Variants in APMAP observed in about 807,000 individuals in gnomAD.
APMAP encodes adipocyte plasma membrane-associated protein.
Under a neutral mutation model 43.6 loss-of-function variants are expected in APMAP, and 33 were observed. The ratio of observed to expected loss-of-function variants is 0.76; its 90% CI spans 0.57 to 1.01. The LOEUF (loss-of-function observed/expected upper bound fraction) is 1.01. Among genes scored for constraint, APMAP ranks in the 50% least tolerant of loss-of-function variants. The pLI, the probability that APMAP is intolerant of heterozygous loss-of-function variation, is 0.00. For missense variants in APMAP, 498 were observed against 540.7 expected (o/e 0.92, Z 0.78); for synonymous variants, 224 against 216.7 (o/e 1.03, Z -0.30).
chr20:24,983,220 C>A (rs1398736049), intron 2 of APMAP, among the ~76,000 whole-genome samples: 1 of 152,176 alleles, frequency 6.6e-6, no homozygotes, highest in Non-Finnish European at 1.5e-5. Context: ...TAATTCTTGT[C>A]TGAAGTTTTT....
Position 24,978,746 on chromosome 20 carries a change from C to A in APMAP, c.328+21G>T, listed in dbSNP as rs11087491. On this transcript the variant is annotated intron_variant, in intron 3 of 8. Coordinates refer to ENST00000217456, the MANE Select transcript of APMAP (RefSeq NM_020531.3). ...AACAGACAGCCTGGAAGGCTCCCCCCCCACCCAAGCTTAGACTTACCCCCA... is the reference window on the plus strand; with the variant it reads ...AACAGACAGCCTGGAAGGCTCCCCCACCACCCAAGCTTAGACTTACCCCCA... 1.9e-4 allele frequency: 242 copies of A among 1,256,000 alleles called. 10 individuals carry two copies. The Middle Eastern group carries it at 2.0e-3, about 10-fold the overall frequency. 77.8% of individuals were successfully genotyped at this position (1,256,000 alleles called of 1,614,324 possible).
At chr20:24,965,564 G>C (rs935653636) in intron 8 of APMAP, among the ~76,000 whole-genome samples, 1 of 152,136 alleles carries the variant, frequency 6.6e-6, no homozygotes, top group Non-Finnish European at 1.5e-5. Context: ...GGGCCCACAC[G>C]GGGTGAGGAG....
chr20:24,974,474 C>T lies in APMAP; in HGVS notation c.329-737G>A, dbSNP rs7352188. 1.2e-4 allele frequency among the ~76,000 whole-genome samples: 19 copies of T among 152,158 alleles called. No individual in the cohort carries two copies. In the East Asian group the frequency reaches 1.3e-3, roughly 11 times the overall value. Reference sequence around the variant, plus strand: ...AAAGAATAGAAAACAGTAACAAATACGGTAGATATTAATCCAATATATCAA... The same window carrying T: ...AAAGAATAGAAAACAGTAACAAATATGGTAGATATTAATCCAATATATCAA... On this transcript the variant is annotated intron_variant, in intron 3 of 8. Coordinates refer to ENST00000217456, the MANE Select transcript of APMAP (RefSeq NM_020531.3).
intron 5 of APMAP, 119 bp from the exon 6 acceptor site, chr20:24,970,490 T>C (rs2087989580): frequency 3.2e-6 from 3 of 937,126 alleles, no homozygotes; most frequent in Non-Finnish European, 4.6e-6. Flanking sequence ...ATGTCATTTG[T>C]CAGAAGATTT....
chr20:24,972,610 G>C (rs2088015282), intron 4 of APMAP, among the ~76,000 whole-genome samples: 1 of 151,818 alleles, frequency 6.6e-6, no homozygotes, highest in Non-Finnish European at 1.5e-5. Flanking sequence ...TTCACTGTGG[G>C]GTGCTCACTA....
At position 24,969,652 on chromosome 20, in the gene APMAP, T is replaced by C. The variant is rs1459346715; in HGVS notation, c.722A>G (p.Glu241Gly). The change falls in exon 7 of 9, where the codon GAG becomes GGG. Residue 241 changes from glutamate (E) to glycine (G), a missense_variant. Physicochemically the swap from Glu to Gly is moderately conservative, Grantham distance 98. Coordinates refer to ENST00000217456, the MANE Select transcript of APMAP (RefSeq NM_020531.3). Reference sequence around the variant, plus strand: ...TACTTCCCTGGTCACAGTATCATACTCCAGCAGGCTGTGGAACACCAAAAG... The same window carrying C: ...TACTTCCCTGGTCACAGTATCATACCCCAGCAGGCTGTGGAACACCAAAAG... ...MEGTDDGRLL[E>G]YDTVTREVKV... 5 of 1,611,592 alleles carry C rather than the reference T, an allele frequency of 3.1e-6. No homozygotes were observed. The highest frequency in any genetic ancestry group is 4.2e-6 in the Non-Finnish European group (5 of 1,178,058).
At position 24,992,638 on chromosome 20, in the gene APMAP, G is replaced by A. The variant is rs1308076976; in HGVS notation, c.51C>T (p.Val17=). Residue 17 remains valine (V), a synonymous_variant, in exon 1 of 9, where the codon GTC becomes GTT. Coordinates refer to ENST00000217456, the MANE Select transcript of APMAP (RefSeq NM_020531.3). ...LRQRRPLRPQ[V]VTDDDGQAPE... ...GGGCCTGGCCATCATCGTCTGTGAC[G>A]ACCTGCGGCCGCAGGGGCCGGCGCT... The A allele has an allele frequency of 3.2e-6, 5 of 1,568,880 alleles. No homozygotes were observed. The highest frequency in any genetic ancestry group is 4.3e-6 in the Non-Finnish European group (5 of 1,158,672).
chr20:24,963,978 G>A lies in APMAP; in HGVS notation c.1086C>T (p.Ser362=), dbSNP rs371057635. Residue 362 remains serine (S), a synonymous_variant, in exon 9 of 9, where the codon AGC becomes AGT. Coordinates refer to ENST00000217456, the MANE Select transcript of APMAP (RefSeq NM_020531.3). The part of the protein sequence containing the change: ...ETVMKFVPRY[S]LVLELSDSGA... The stretch of plus-strand genomic sequence containing the variant: ...CGCTGTCGCTGAGTTCTAGGACGAG[G>A]CTGTACCGCGGCACAAACTTCATCA... 4.3e-5 allele frequency: 70 copies of A among 1,614,098 alleles called. No individual in the cohort carries two copies. Among genetic ancestry groups the A allele is most frequent in the Non-Finnish European group, 5.6e-5 (66 of 1,180,046 alleles).
chr20:24,979,015 G>A, intron 2 of APMAP, 133 bp from the exon 3 acceptor site: 1 of 667,884 alleles, frequency 1.5e-6, no homozygotes, highest in Non-Finnish European at 2.6e-6. Flanking sequence ...AGAAATACAA[G>A]GGTTAAGAAA....
intron 3 of APMAP, among the ~76,000 whole-genome samples, chr20:24,977,464 C>T (rs1184829320): frequency 6.6e-6 from 1 of 152,226 alleles, no homozygotes; most frequent in Non-Finnish European, 1.5e-5. Flanking sequence ...CTCCCCAGAG[C>T]TAGTACCTCC....
chr20:24,987,029 G>T (rs1011866083), intron 1 of APMAP, among the ~76,000 whole-genome samples: 1 of 152,138 alleles, frequency 6.6e-6, no homozygotes, highest in Non-Finnish European at 1.5e-5. Flanking sequence ...TGTTTTCTAG[G>T]CCCATCTAAG....
intron 8 of APMAP, 69 bp from the exon 9 acceptor site, chr20:24,964,091 C>T: frequency 6.7e-7 from 1 of 1,490,078 alleles, no homozygotes; most frequent in Non-Finnish European, 9.3e-7. Context: ...ATCAACCGTG[C>T]CGCCCCCACC....
In APMAP at chr20:24,978,872, G is replaced by T. The variant is rs2088076313; in HGVS notation, c.223C>A (p.Pro75Thr). ...IDPQPLSFKE[P>T]PLLLGVLHPN... Reference sequence around the variant, plus strand: ...TGCAGAACACCAAGCAAGAGCGGGGGTTCTTTGAAGCTGCAAAATAATGCA... The same window carrying T: ...TGCAGAACACCAAGCAAGAGCGGGGTTTCTTTGAAGCTGCAAAATAATGCA... The change falls in exon 3 of 9, where the codon CCC (proline) becomes ACC (threonine). Residue 75 changes from proline to threonine, a missense_variant. Pro to Thr is a conservative substitution (Grantham distance 38). Coordinates refer to ENST00000217456, the MANE Select transcript of APMAP (RefSeq NM_020531.3). The T allele has an allele frequency of 2.5e-6, 4 of 1,613,368 alleles. No homozygotes were observed. Among genetic ancestry groups the T allele is most frequent in the African/African-American group, 1.3e-5 (1 of 75,010 alleles).
chr20:24,985,818 G>T (rs536093079), intron 1 of APMAP, among the ~76,000 whole-genome samples: 94 of 150,126 alleles, frequency 6.3e-4, no homozygotes, highest in Non-Finnish European at 4.4e-5. Flanking sequence ...AGAAGGAAGA[G>T]GGGAGCATAG....
At chr20:24,992,355 A>T (rs1272790668) in intron 1 of APMAP, among the ~76,000 whole-genome samples, 4 of 152,208 alleles carry the variant, frequency 2.6e-5, no homozygotes, top group South Asian at 2.1e-4. Context: ...GCCGAGGACA[A>T]CGCGGCGACT....
At chr20:24,975,249 G>C (rs866213275) in intron 3 of APMAP, among the ~76,000 whole-genome samples, 10 of 152,158 alleles carry the variant, frequency 6.6e-5, no homozygotes, top group African/African-American at 2.2e-4. Context: ...TTCTTTGTTT[G>C]CAAGTGACAT....
rs559269262 is a variant in APMAP, at chr20:24,963,483, T to A, written c.*330A>T. Reference sequence around the variant, plus strand: ...GTAGTGCCTTACTGCTCCACCCACCTGAGCCCTGTTCCAAGTGCAAGGAGC... The same window carrying A: ...GTAGTGCCTTACTGCTCCACCCACCAGAGCCCTGTTCCAAGTGCAAGGAGC... On this transcript the variant is annotated 3_prime_UTR_variant, in exon 9 of 9. Transcript: ENST00000217456. The A allele has an allele frequency of 3.6e-5, 12 of 330,848 alleles. No homozygotes were observed. The highest frequency in any genetic ancestry group is 1.4e-4 in the Admixed American group (3 of 21,666). 20.5% of individuals were successfully genotyped at this position (330,848 alleles called of 1,614,324 possible).
chr20:24,989,004 A>C (rs975007369), intron 1 of APMAP, among the ~76,000 whole-genome samples: 1 of 151,826 alleles, frequency 6.6e-6, no homozygotes, highest in South Asian at 2.1e-4. Flanking sequence ...ATTTTAGCCC[A>C]AGGTCCATTA....
intron 8 of APMAP, among the ~76,000 whole-genome samples, chr20:24,966,068 C>T (rs553282122): frequency 1.4e-3 from 218 of 152,206 alleles, no homozygotes; most frequent in Non-Finnish European, 2.3e-3. Context: ...CCCAAAGCAG[C>T]GAGTACACTC....
Sources: allele counts gnomAD v4.1 joint callset (sites outside exome capture counted in the v4.1 genomes callset), GRCh38; gene constraint gnomAD v4.1.1; transcripts MANE v1.5; gene names NCBI Gene and HGNC (gene_info 2026-07-23, HGNC 2026-07-21).